The following C3orf49 variants were observed in gnomAD, a reference collection of about 807,000 sequenced individuals.
C3orf49 encodes the protein chromosome 3 open reading frame 49, also known as putative uncharacterized protein C3orf49.
In C3orf49, 27 loss-of-function variants were observed where a neutral mutation model predicts 13.3. The ratio of observed to expected loss-of-function variants is 2.02; its 90% CI spans 1.49 to 2.79. The LOEUF (loss-of-function observed/expected upper bound fraction) is 2.79, where lower values mean the gene tolerates loss of function less well. Ranked by LOEUF, C3orf49 falls within the 30% of genes most tolerant of loss-of-function variation. C3orf49 has a pLI of 0.00. For synonymous variants in C3orf49, 87 were observed against 47.6 expected (o/e 1.83, Z -3.40); for missense variants, 242 against 134.2 (o/e 1.80, Z -3.97).
At chr3:63,792,567 A>G in the C3orf49 span, among the ~76,000 whole-genome samples, 1 of 152,246 alleles carries the variant, frequency 6.6e-6, no homozygotes, top group African/African-American at 2.4e-5. Context: ...GTAGAAGACC[A>G]GGACACTGGG....
chr3:63,791,431 G>C, the C3orf49 span, among the ~76,000 whole-genome samples: 1 of 152,172 alleles, frequency 6.6e-6, no homozygotes, highest in African/African-American at 2.4e-5. Context: ...AGGCTACCCA[G>C]AGCATTGTAC....
the C3orf49 span, among the ~76,000 whole-genome samples, chr3:63,810,910 G>A: frequency 2.0e-5 from 3 of 152,152 alleles, no homozygotes; most frequent in African/African-American, 4.8e-5. Flanking sequence ...GCAGTGGTGC[G>A]ATCTCAGCTC....
intron 2 of C3orf49, among the ~76,000 whole-genome samples, chr3:63,824,768 C>T (rs938961762): frequency 3.5e-5 from 5 of 141,448 alleles, no homozygotes; most frequent in South Asian, 2.2e-4. Flanking sequence ...ATCTGGGAGT[C>T]GGAGATTGCA....
At chr3:63,831,350 G>C (rs1258636043) in intron 4 of C3orf49, 127 bp downstream of exon 4, 3 of 615,524 alleles carry the variant, frequency 4.9e-6, no homozygotes, top group Non-Finnish European at 8.6e-6. Context: ...AAGAAATAAT[G>C]TTAGCAGGGG....
At chr3:63,830,729 A>G (rs1011849771) in intron 3 of C3orf49, among the ~76,000 whole-genome samples, 6 of 152,154 alleles carry the variant, frequency 3.9e-5, no homozygotes, top group Non-Finnish European at 8.8e-5. Context: ...CAAATTAACA[A>G]CTAGATCCAC....
chr3:63,837,125 GA>G (rs1701651722), intron 5 of C3orf49, among the ~76,000 whole-genome samples: 1 of 151,520 alleles, frequency 6.6e-6, no homozygotes, highest in African/African-American at 2.4e-5. Context: ...CATTGTTTTA[GA>G]ACTGAGCATA....
chr3:63,812,580 T>G, the C3orf49 span, among the ~76,000 whole-genome samples: 1 of 152,218 alleles, frequency 6.6e-6, no homozygotes, highest in African/African-American at 2.4e-5. Flanking sequence ...TTTATCCTTA[T>G]TTTACTTGAT....
intron 3 of C3orf49, among the ~76,000 whole-genome samples, chr3:63,828,230 G>A (rs1309750083): frequency 2.6e-5 from 4 of 152,206 alleles, no homozygotes; most frequent in Admixed American, 2.6e-4. Context: ...CACAGACAGT[G>A]CAGCGTAGAT....
the C3orf49 span, among the ~76,000 whole-genome samples, chr3:63,808,374 C>T: frequency 6.6e-6 from 1 of 152,216 alleles, no homozygotes; most frequent in Admixed American, 6.5e-5. Flanking sequence ...TCTGTCTAAC[C>T]CTGTGGTGTC....
the C3orf49 span, among the ~76,000 whole-genome samples, chr3:63,791,965 C>T: frequency 2.0e-5 from 3 of 152,078 alleles, no homozygotes; most frequent in South Asian, 2.1e-4. Flanking sequence ...GATTTCTTTT[C>T]GTATATCCTT....
the C3orf49 span, among the ~76,000 whole-genome samples, chr3:63,788,917 G>C: frequency 6.6e-6 from 1 of 152,008 alleles, no homozygotes; most frequent in African/African-American, 2.4e-5. Flanking sequence ...AGGGGTATTA[G>C]TACTGAAGTA....
chr3:63,782,577 C>T, the C3orf49 span: 1 of 152,152 alleles, frequency 6.6e-6, no homozygotes, highest in African/African-American at 2.4e-5. Context: ...TGAGATTGTA[C>T]AGAAACTAAC....
the C3orf49 span, chr3:63,786,169 C>G: frequency 6.6e-6 from 1 of 152,116 alleles, no homozygotes; most frequent in Non-Finnish European, 1.5e-5. Flanking sequence ...GGCGTGAAAT[C>G]TCTTTGTGCT....
At chr3:63,823,209 T>A (rs1701420940) in intron 1 of C3orf49, 41 bp from the exon 2 acceptor site, 1 of 624,092 alleles carries the variant, frequency 1.6e-6, no homozygotes, top group Non-Finnish European at 2.9e-6. Context: ...CACTTTTAAC[T>A]TTTCAGTTTC....
chr3:63,797,270 A>G, the C3orf49 span, among the ~76,000 whole-genome samples: 1 of 151,800 alleles, frequency 6.6e-6, no homozygotes. Context: ...GTCTAGGGGT[A>G]TGTGTGTGTA....
rs754063237 is a variant in C3orf49 at position 63,836,381 on chromosome 3, T to C, written c.849+4537T>C. On this transcript the variant is annotated intron_variant, in intron 5 of 6. Transcript: ENST00000295896. ...ATTCTGTAAGACATAAAAATATTTA[T>C]CAAACTAAGGATTTTTTGAATGTGA... The C allele has an allele frequency of 3.9e-4, 627 of 1,608,406 alleles. 1 individual carries two copies. Among genetic ancestry groups the C allele is most frequent in the Non-Finnish European group, 4.9e-4 (580 of 1,176,574 alleles).
At chr3:63,809,181 A>C in the C3orf49 span, among the ~76,000 whole-genome samples, 5 of 152,136 alleles carry the variant, frequency 3.3e-5, no homozygotes, top group African/African-American at 9.7e-5. Context: ...TGAACCATAA[A>C]ATTTGTTAAC....
At chr3:63,798,754 A>G in the C3orf49 span, among the ~76,000 whole-genome samples, 1 of 152,158 alleles carries the variant, frequency 6.6e-6, no homozygotes, top group African/African-American at 2.4e-5. Flanking sequence ...GTAAGTTTCC[A>G]CAGCCTATGT....
At chr3:63,832,048 T>A (rs1271194002) in intron 5 of C3orf49, 1 of 470,494 alleles carries the variant, frequency 2.1e-6, no homozygotes, top group East Asian at 3.8e-5. Flanking sequence ...ACAAAAATTA[T>A]CCAGGAGTGG....
Sources: allele counts gnomAD v4.1 joint callset (sites outside exome capture counted in the v4.1 genomes callset), GRCh38; gene constraint gnomAD v4.1.1; transcripts MANE v1.5; gene names NCBI Gene and HGNC (gene_info 2026-07-23, HGNC 2026-07-21).